The following DIP2C variants were observed in gnomAD, a reference collection of about 807,000 sequenced individuals.
The protein encoded by DIP2C is disco-interacting protein 2 homolog C.
In DIP2C, 33 loss-of-function variants were observed where a neutral mutation model predicts 192.4. The ratio of observed to expected loss-of-function variants is 0.17; its 90% CI spans 0.13 to 0.23. The LOEUF is 0.23. Ranked by LOEUF, DIP2C falls within the 10% of genes least tolerant of loss-of-function variation. DIP2C has a pLI of 1.00. For missense variants in DIP2C, 1,537 were observed against 2,110.1 expected (o/e 0.73, Z 5.32); for synonymous variants, 979 against 864.1 (o/e 1.13, Z -2.33).
intron 10 of DIP2C, among the ~76,000 whole-genome samples, chr10:397,352 A>G (rs1359343561): frequency 6.6e-6 from 1 of 152,102 alleles, no homozygotes. Context: ...CAACGTAACA[A>G]AACCTCATCT....
chr10:369,719 C>A, intron 17 of DIP2C, 86 bp from the exon 18 acceptor site: 1 of 1,597,454 alleles, frequency 6.3e-7, no homozygotes, highest in Non-Finnish European at 8.5e-7. Flanking sequence ...ATGCGGCAGG[C>A]TGGGCACCTC....
At chr10:367,850 C>T (rs562449227) in intron 18 of DIP2C, among the ~76,000 whole-genome samples, 73 of 152,376 alleles carry the variant, frequency 4.8e-4, no homozygotes, top group Middle Eastern at 3.4e-3. Flanking sequence ...CCCCGGAACC[C>T]AGGGCAGAGG....
intron 10 of DIP2C, among the ~76,000 whole-genome samples, chr10:397,568 A>AG (rs1446059933): frequency 6.7e-6 from 1 of 150,318 alleles, no homozygotes; most frequent in Non-Finnish European, 1.5e-5. Context: ...TGATGGTTTA[A>AG]GGGCAGTGTG....
chr10:393,673 G>A (rs1282977890), intron 10 of DIP2C, among the ~76,000 whole-genome samples: 1 of 151,708 alleles, frequency 6.6e-6, no homozygotes, highest in African/African-American at 2.4e-5. Context: ...CAGCTACTCA[G>A]GAGGCTGAGG....
intron 1 of DIP2C, among the ~76,000 whole-genome samples, chr10:607,446 T>C (rs557371217): frequency 3.3e-5 from 5 of 152,320 alleles, no homozygotes; most frequent in African/African-American, 9.6e-5. Context: ...TTTTTTTCAT[T>C]GTATCCCTCT....
At chr10:285,166 A>C (rs1830345441) in intron 34 of DIP2C, among the ~76,000 whole-genome samples, 1 of 151,964 alleles carries the variant, frequency 6.6e-6, no homozygotes, top group South Asian at 2.1e-4. Context: ...AAAAAAAAAA[A>C]AAAAACACAA....
intron 1 of DIP2C, among the ~76,000 whole-genome samples, chr10:588,615 G>C (rs981605942): frequency 1.4e-4 from 21 of 152,236 alleles, no homozygotes; most frequent in Non-Finnish European, 2.4e-4. Flanking sequence ...AAGTCCAAGC[G>C]CAGAGGCTCG....
intron 29 of DIP2C, among the ~76,000 whole-genome samples, chr10:334,782 T>C (rs974039741): frequency 2.0e-5 from 3 of 152,252 alleles, no homozygotes; most frequent in Non-Finnish European, 2.9e-5. Flanking sequence ...GTTTCTCATA[T>C]ATATAATCAC....
At chr10:329,155 C>T (rs973838955) in intron 30 of DIP2C, among the ~76,000 whole-genome samples, 7 of 152,170 alleles carry the variant, frequency 4.6e-5, no homozygotes, top group South Asian at 2.1e-4. Context: ...ATCCACCCAA[C>T]AAAAAATCAA....
chr10:576,134 G>C (rs548065002), intron 1 of DIP2C, among the ~76,000 whole-genome samples: 1 of 152,318 alleles, frequency 6.6e-6, no homozygotes, highest in Admixed American at 6.5e-5. Flanking sequence ...TAACTACGCT[G>C]TCGGATTCCA....
chr10:285,707 G>A (rs972772850), intron 34 of DIP2C, among the ~76,000 whole-genome samples: 4 of 152,274 alleles, frequency 2.6e-5, no homozygotes, highest in Non-Finnish European at 4.4e-5. Flanking sequence ...ACAGCTCCAC[G>A]AGGCGTCTTT....
At chr10:581,468 T>TA (rs1377657166) in intron 1 of DIP2C, among the ~76,000 whole-genome samples, 2 of 152,206 alleles carry the variant, frequency 1.3e-5, no homozygotes, top group African/African-American at 4.8e-5. Flanking sequence ...AGGTTTTTTT[T>TA]AAAGTTATAT....
chr10:640,916 C>T (rs1254112640), intron 1 of DIP2C, among the ~76,000 whole-genome samples: 1 of 152,034 alleles, frequency 6.6e-6, no homozygotes, highest in Non-Finnish European at 1.5e-5. Context: ...GAACCAGCAG[C>T]GACCCTAACC....
At chr10:557,875 AGGCAGGGGGAGGG>A (rs1564198000) in intron 1 of DIP2C, among the ~76,000 whole-genome samples, 1 of 40,276 alleles carries the variant, frequency 2.5e-5, no homozygotes, top group East Asian at 9.6e-4. Context: ...GCAGGCAGGC[AGGCAGGGGGAGGG>A]GGCAGGGGCA....
intron 1 of DIP2C, among the ~76,000 whole-genome samples, chr10:619,533 GC>G (rs1172584696): frequency 2.6e-4 from 10 of 38,828 alleles, no homozygotes; most frequent in Non-Finnish European, 5.1e-4. Flanking sequence ...GACCAAGCCC[GC>G]CCGCCCGCCC....
chr10:497,464 A>G (rs1164852747), intron 1 of DIP2C, among the ~76,000 whole-genome samples: 2 of 152,168 alleles, frequency 1.3e-5, no homozygotes, highest in Non-Finnish European at 2.9e-5. Flanking sequence ...CCAACTTCAC[A>G]GTCTGTCTTC....
rs928205949 is a variant in DIP2C, at chr10:531,117, C to T, written c.86-44587G>A. ...CCCAACAGCTCATCTTTGGTCGTGA[C>T]GCGCTGAGTCCACCTCATTTCAAAT... On this transcript the variant is annotated intron_variant, in intron 1 of 36. Transcript: ENST00000280886. Among the ~76,000 whole-genome samples the T allele has an allele frequency of 1.4e-4, 22 of 152,280 alleles. No individual in the cohort carries two copies. The East Asian group carries it at 2.7e-3, about 19-fold the overall frequency.
intron 3 of DIP2C, among the ~76,000 whole-genome samples, chr10:462,207 C>G (rs919759325): frequency 2.6e-5 from 4 of 151,422 alleles, no homozygotes; most frequent in Admixed American, 6.6e-5. Context: ...GACAGAGACA[C>G]GAAAAACTCT....
chr10:480,023 GGGT>G (rs1843477322), intron 2 of DIP2C, among the ~76,000 whole-genome samples: 1 of 148,646 alleles, frequency 6.7e-6, no homozygotes, highest in African/African-American at 2.5e-5. Flanking sequence ...CACTGGATGA[GGGT>G]TCTCATCCGG....
Sources: gnomAD v4.1 joint callset for allele counts (sites outside exome capture counted in the v4.1 genomes callset) on GRCh38, gnomAD v4.1.1 for gene constraint, MANE v1.5 for transcripts, NCBI Gene and HGNC (gene_info 2026-07-23, HGNC 2026-07-21) for gene names.